R3HCC1L: variants seen among roughly 807,000 people sequenced by gnomAD.
R3HCC1L encodes coiled-coil domain-containing protein R3HCC1L.
In R3HCC1L, 51 loss-of-function variants were observed where a neutral mutation model predicts 59.9. That is an observed-to-expected ratio of 0.85 (90% CI 0.68 to 1.07). The LOEUF (loss-of-function observed/expected upper bound fraction) is 1.07, where lower values mean the gene tolerates loss of function less well. Among genes scored for constraint, R3HCC1L ranks in the 50% least tolerant of loss-of-function variants. The pLI, the probability that R3HCC1L is intolerant of heterozygous loss-of-function variation, is 0.00. For missense variants in R3HCC1L, 965 were observed against 933.0 expected, an observed-to-expected ratio of 1.03 and a Z score of -0.45; for synonymous variants, 322 against 315.2, an observed-to-expected ratio of 1.02 and a Z score of -0.23.
chr10:98,220,298 G>A (rs1008788677), intron 5 of R3HCC1L, among the ~76,000 whole-genome samples: 1 of 146,894 alleles, frequency 6.8e-6, no homozygotes, highest in African/African-American at 2.5e-5. Flanking sequence ...ATTTATCTGT[G>A]TTTTCTTGTA....
chr10:98,218,716 A>T (rs761995202), intron 5 of R3HCC1L, among the ~76,000 whole-genome samples: 3 of 152,186 alleles, frequency 2.0e-5, no homozygotes, highest in African/African-American at 7.2e-5. Flanking sequence ...GTGTAAATCC[A>T]ATGTTTCTCT....
At chr10:98,152,482 G>C (rs1344425526) in intron 1 of R3HCC1L, among the ~76,000 whole-genome samples, 1 of 132,128 alleles carries the variant, frequency 7.6e-6, no homozygotes, top group African/African-American at 2.6e-5. Context: ...GCCTCTTCCC[G>C]GCCGCCATCC....
intron 4 of R3HCC1L, among the ~76,000 whole-genome samples, chr10:98,194,729 C>G (rs990058149): frequency 1.3e-5 from 2 of 152,100 alleles, no homozygotes; most frequent in African/African-American, 4.8e-5. Context: ...TTCTACACAA[C>G]TAATCATTAG....
At chr10:98,150,591 C>T (rs112455890) in intron 1 of R3HCC1L, among the ~76,000 whole-genome samples, 38 of 152,124 alleles carry the variant, frequency 2.5e-4, no homozygotes, top group African/African-American at 8.2e-4. Flanking sequence ...AGGTTTGCCT[C>T]GGTTCTAGTA....
chr10:98,166,759 A>G (rs1444850625), intron 4 of R3HCC1L, among the ~76,000 whole-genome samples: 3 of 152,144 alleles, frequency 2.0e-5, no homozygotes. Flanking sequence ...TCTGCCTCCC[A>G]GGTTCAAGCG....
At chr10:98,211,299 T>G in intron 5 of R3HCC1L, 1 of 1,499,300 alleles carries the variant, frequency 6.7e-7, no homozygotes, top group Non-Finnish European at 9.0e-7. Context: ...TATTTACAAC[T>G]TTTTCAGGGG....
intron 8 of R3HCC1L, 130 bp from the exon 9 acceptor site, chr10:98,235,894 C>A: frequency 9.4e-7 from 1 of 1,067,962 alleles, no homozygotes; most frequent in Non-Finnish European, 1.3e-6. Context: ...ATCTATCAGA[C>A]TTGTATTAAT....
chr10:98,181,774 C>A (rs1849651802), intron 4 of R3HCC1L, among the ~76,000 whole-genome samples: 1 of 152,200 alleles, frequency 6.6e-6, no homozygotes, highest in South Asian at 2.1e-4. Flanking sequence ...TCTTCAATCA[C>A]AGATACCCTT....
chr10:98,172,241 GAAATGAACTGGCTAGT>G (rs1364901097), intron 4 of R3HCC1L, among the ~76,000 whole-genome samples: 1 of 152,142 alleles, frequency 6.6e-6, no homozygotes, highest in African/African-American at 2.4e-5. Flanking sequence ...TCATTTCACA[GAAATGAACTGGCTAGT>G]AAAAAATTTG....
intron 5 of R3HCC1L, among the ~76,000 whole-genome samples, chr10:98,219,994 C>T (rs1377015549): frequency 6.6e-6 from 1 of 152,170 alleles, no homozygotes; most frequent in Admixed American, 6.5e-5. Context: ...GCCATCTCTT[C>T]TCCGGAACTC....
At chr10:98,200,455 T>C (rs569580215) in intron 4 of R3HCC1L, among the ~76,000 whole-genome samples, 17 of 152,254 alleles carry the variant, frequency 1.1e-4, no homozygotes, top group African/African-American at 4.1e-4. Flanking sequence ...TAGCTGACTT[T>C]TATGGAGACT....
intron 5 of R3HCC1L, among the ~76,000 whole-genome samples, chr10:98,220,647 C>T (rs1317901070): frequency 6.8e-6 from 1 of 146,084 alleles, no homozygotes; most frequent in Non-Finnish European, 1.5e-5. Flanking sequence ...TTTGTTCTTG[C>T]GATAGTTTAC....
intron 4 of R3HCC1L, among the ~76,000 whole-genome samples, chr10:98,186,736 A>G (rs143978416): frequency 6.6e-6 from 1 of 152,330 alleles, no homozygotes; most frequent in East Asian, 1.9e-4. Context: ...GTGGGAAAGT[A>G]GGCGTGAAGC....
chr10:98,142,803 CAT>C (rs1845285013), intron 1 of R3HCC1L, among the ~76,000 whole-genome samples: 1 of 152,038 alleles, frequency 6.6e-6, no homozygotes, highest in Non-Finnish European at 1.5e-5. Context: ...GGTCTGGCGA[CAT>C]GTGCCTGTAG....
At chr10:98,243,606 T>C (rs1348114261) in intron 9 of R3HCC1L, among the ~76,000 whole-genome samples, 1 of 152,210 alleles carries the variant, frequency 6.6e-6, no homozygotes, top group African/African-American at 2.4e-5. Context: ...CTCTGAAATA[T>C]TTTTTCAATA....
At chr10:98,171,798 A>C (rs1473896926) in intron 4 of R3HCC1L, among the ~76,000 whole-genome samples, 1 of 152,170 alleles carries the variant, frequency 6.6e-6, no homozygotes, top group Non-Finnish European at 1.5e-5. Flanking sequence ...CGATTATACA[A>C]GTCCAAGTTG....
chr10:98,156,477 T>C (rs746800000), intron 2 of R3HCC1L, among the ~76,000 whole-genome samples: 4 of 152,200 alleles, frequency 2.6e-5, no homozygotes, highest in East Asian at 1.9e-4. Flanking sequence ...TCTCATCTCT[T>C]CTTTCCTTTG....
intron 5 of R3HCC1L, among the ~76,000 whole-genome samples, chr10:98,219,801 CTGTTTTTTAGA>C (rs910073901): frequency 4.6e-5 from 7 of 152,102 alleles, no homozygotes; most frequent in African/African-American, 1.7e-4. Flanking sequence ...TTTTCTCTTG[CTGTTTTTTAGA>C]ATTCTTGGTC....
chr10:98,233,562 G>T lies in R3HCC1L; in HGVS notation c.1962-884G>T, dbSNP rs375057321. Among the ~76,000 whole-genome samples the T allele has an allele frequency of 3.3e-5, 5 of 152,208 alleles. No homozygotes were observed. The South Asian group carries it at 1.0e-3, about 32-fold the overall frequency. ...AACATACTTTCTTCATTTTTACAGA[G>T]GAGCCGACCTAGCTTCAAGAGAGGT... On this transcript the variant is annotated intron_variant, in intron 6 of 9. Coordinates refer to ENST00000298999, the MANE Select transcript of R3HCC1L (RefSeq NM_001351015.2).
Sources: gnomAD v4.1 joint callset for allele counts (sites outside exome capture counted in the v4.1 genomes callset) on GRCh38, gnomAD v4.1.1 for gene constraint, MANE v1.5 for transcripts, NCBI Gene and HGNC (gene_info 2026-07-23, HGNC 2026-07-21) for gene names.